Variants in NEXN observed in about 807,000 individuals in gnomAD.
NEXN encodes nexilin F-actin binding protein.
NEXN carries 65 observed loss-of-function variants against 92.6 expected under a neutral mutation model. That is an observed-to-expected ratio of 0.70 (90% CI 0.57 to 0.86). The LOEUF (loss-of-function observed/expected upper bound fraction) is 0.86, where lower values mean the gene tolerates loss of function less well. NEXN is among the 40% of genes least tolerant of loss of function. The probability of loss-of-function intolerance (pLI) is 0.00; values close to 1 mark genes in which losing one functional copy is unlikely to be tolerated. For synonymous variants in NEXN, 254 were observed against 242.5 expected, an observed-to-expected ratio of 1.05 and a Z score of -0.44; for missense variants, 778 against 771.1, an observed-to-expected ratio of 1.01 and a Z score of -0.11.
chr1:77,927,539 G>A (rs1649951150), intron 8 of NEXN, among the ~76,000 whole-genome samples: 1 of 151,898 alleles, frequency 6.6e-6, no homozygotes, highest in Non-Finnish European at 1.5e-5. Context: ...GGTGGAATAT[G>A]CAGTTTGTCC....
At chr1:77,919,430 T>TGCTA (rs1173707822) in intron 5 of NEXN, among the ~76,000 whole-genome samples, 2 of 152,218 alleles carry the variant, frequency 1.3e-5, no homozygotes, top group African/African-American at 2.4e-5. Flanking sequence ...GCAAAGCATA[T>TGCTA]GCTATACTTG....
At chr1:77,917,866 T>A in intron 3 of NEXN, 94 bp from the exon 4 acceptor site, 1 of 1,427,626 alleles carries the variant, frequency 7.0e-7, no homozygotes, top group Non-Finnish European at 9.8e-7. Context: ...CTAAAATACT[T>A]TTCTGTATTT....
intron 5 of NEXN, among the ~76,000 whole-genome samples, chr1:77,922,584 C>T (rs9324166): frequency 0.91 from 138,320 of 152,048 alleles, 63,109 homozygotes; most frequent in African/African-American, 0.95. Flanking sequence ...AAATATTTTA[C>T]AGTATACAAA....
chr1:77,912,124 A>C (rs1182524192), intron 1 of NEXN, among the ~76,000 whole-genome samples: 1 of 152,062 alleles, frequency 6.6e-6, no homozygotes, highest in African/African-American at 2.4e-5. Flanking sequence ...TCTAGTCCCA[A>C]GCATTTCAGA....
chr1:77,927,114 G>A (rs768756673), intron 8 of NEXN, among the ~76,000 whole-genome samples: 5 of 152,070 alleles, frequency 3.3e-5, no homozygotes, highest in Non-Finnish European at 7.3e-5. Flanking sequence ...CTGAGGTCAG[G>A]AGTTTGAAAC....
chr1:77,890,093 A>G (rs1647071018), intron 1 of NEXN, among the ~76,000 whole-genome samples: 1 of 152,062 alleles, frequency 6.6e-6, no homozygotes, highest in East Asian at 1.9e-4. Context: ...CAAATGAGAG[A>G]AAGGTTTTTT....
intron 11 of NEXN, among the ~76,000 whole-genome samples, chr1:77,938,565 C>T (rs1042364111): frequency 8.2e-5 from 12 of 145,530 alleles, no homozygotes; most frequent in Non-Finnish European, 1.2e-4. Flanking sequence ...TGCACTCCAG[C>T]CTGGCGACAG....
At chr1:77,896,011 A>G (rs1316800851) in intron 1 of NEXN, among the ~76,000 whole-genome samples, 1 of 151,916 alleles carries the variant, frequency 6.6e-6, no homozygotes, top group African/African-American at 2.4e-5. Context: ...CCCTGTCTGT[A>G]CTAAAAAAAA....
intron 1 of NEXN, among the ~76,000 whole-genome samples, chr1:77,901,576 G>A (rs937092702): frequency 2.0e-5 from 3 of 151,944 alleles, no homozygotes; most frequent in Non-Finnish European, 4.4e-5. Flanking sequence ...TGGACTTGCC[G>A]GGGATCTTAG....
chr1:77,923,506 T>C (rs1557979150), intron 5 of NEXN, among the ~76,000 whole-genome samples: 1 of 152,206 alleles, frequency 6.6e-6, no homozygotes, highest in Admixed American at 6.6e-5. Flanking sequence ...ATTCTTACTT[T>C]TTTAACGGTT....
rs1651560767 is a variant in NEXN, at chr1:77,943,302, C to G, written c.*473C>G. 1 of 177,662 alleles carries G rather than the reference C, an allele frequency of 5.6e-6. No individual in the cohort carries two copies. Among genetic ancestry groups the G allele is most frequent in the Non-Finnish European group, 1.2e-5 (1 of 83,616 alleles). The allele number at this position is 177,662 out of a possible 1,614,324, so 11.0% of individuals were successfully genotyped here. On this transcript the variant is annotated 3_prime_UTR_variant, in exon 13 of 13. Coordinates refer to ENST00000334785, the MANE Select transcript of NEXN (RefSeq NM_144573.4). ...TGCATGAAGGAATGTCATTTCTGAGCTTTTTACACCTAAAATTAGGCTGAA... is the reference window on the plus strand; with the variant it reads ...TGCATGAAGGAATGTCATTTCTGAGGTTTTTACACCTAAAATTAGGCTGAA...
intron 1 of NEXN, among the ~76,000 whole-genome samples, chr1:77,911,766 T>C (rs1321934428): frequency 6.7e-6 from 1 of 150,062 alleles, no homozygotes; most frequent in Non-Finnish European, 1.5e-5. Context: ...TATATACACA[T>C]ATATTCCAAA....
rs1170219794 is a variant in NEXN at position 77,929,447 on chromosome 1, A to C, written c.996A>C (p.Glu332Asp). ...ATGAAAAAAGGAAAGCAGAAGAAGA[A>C]GCCAGAAGGAGAATAGAGGAAGAAA... ...REDEKRKAEE[E>D]ARRRIEEEKK... is the part of the protein sequence containing the mutation. Residue 332 changes from glutamate to aspartate, a missense_variant, in exon 9 of 13, where the codon GAA becomes GAC. By Grantham distance (45) the Glu-to-Asp change is conservative. Transcript: ENST00000334785. 3.1e-6 allele frequency: 5 copies of C among 1,613,370 alleles called. No homozygotes were observed. The African/African-American group carries it at 6.7e-5, about 22-fold the overall frequency.
chr1:77,910,163 T>A (rs1349594295), intron 1 of NEXN, among the ~76,000 whole-genome samples: 1 of 152,212 alleles, frequency 6.6e-6, no homozygotes, highest in Non-Finnish European at 1.5e-5. Context: ...TACTGATAAT[T>A]ACTCCAGTAA....
intron 1 of NEXN, among the ~76,000 whole-genome samples, chr1:77,902,463 T>A (rs929707480): frequency 6.6e-5 from 10 of 151,986 alleles, no homozygotes; most frequent in Non-Finnish European, 8.8e-5. Flanking sequence ...ATTCTGTTCA[T>A]ATTCTGAGAG....
At chr1:77,917,530 C>T (rs759830289) in intron 2 of NEXN, 36 bp from the exon 3 acceptor site, 20 of 1,476,464 alleles carry the variant, frequency 1.4e-5, no homozygotes, top group East Asian at 4.5e-5. Flanking sequence ...CTATCTTTTT[C>T]GTTAACTTTC....
rs1057142511 is a variant in NEXN at position 77,929,426 on chromosome 1, A to G, written c.975A>G (p.Glu325=). 7 of 1,613,862 alleles carry G rather than the reference A, an allele frequency of 4.3e-6. No individual in the cohort carries two copies. Among genetic ancestry groups the G allele is most frequent in the Non-Finnish European group, 5.9e-6 (7 of 1,179,864 alleles). Residue 325 remains glutamate, a synonymous_variant, in exon 9 of 13, where the codon GAA becomes GAG. Transcript: ENST00000334785. ...TGGAAAGGCAAAGAAGAGAAGATGA[A>G]AAAAGGAAAGCAGAAGAAGAAGCCA... is the stretch of plus-strand genomic sequence containing the variant. The part of the protein sequence containing the change: ...EEMERQRRED[E]KRKAEEEARR...
At chr1:77,934,252 C>T (rs889662205) in intron 10 of NEXN, among the ~76,000 whole-genome samples, 20 of 151,990 alleles carry the variant, frequency 1.3e-4, no homozygotes, top group Admixed American at 4.6e-4. Flanking sequence ...TCAGGTGATC[C>T]GCCCACCTCG....
At chr1:77,919,640 A>G (rs1033331439) in intron 5 of NEXN, among the ~76,000 whole-genome samples, 4 of 147,268 alleles carry the variant, frequency 2.7e-5, no homozygotes, top group Non-Finnish European at 4.5e-5. Context: ...CTGGAGTGCA[A>G]TGGCGCAGTC....
Sources: gnomAD v4.1 joint callset for allele counts (sites outside exome capture counted in the v4.1 genomes callset) on GRCh38, gnomAD v4.1.1 for gene constraint, MANE v1.5 for transcripts, NCBI Gene and HGNC (gene_info 2026-07-23, HGNC 2026-07-21) for gene names.